GLG1: variants seen among roughly 807,000 people sequenced by gnomAD.
GLG1 encodes Golgi apparatus protein 1.
In GLG1, 38 loss-of-function variants were observed where a neutral mutation model predicts 160.5. That is an observed-to-expected ratio of 0.24 (90% CI 0.18 to 0.31). GLG1 has a LOEUF of 0.31. Among genes scored for constraint, GLG1 ranks in the 10% least tolerant of loss-of-function variants. GLG1 has a pLI of 1.00. For synonymous variants in GLG1, 644 were observed against 543.4 expected (o/e 1.19, Z -2.57); for missense variants, 1,373 against 1,505.2 (o/e 0.91, Z 1.45).
rs2016669879 is a variant in GLG1 at position 74,507,879 on chromosome 16, G to C, written c.558+960C>G. The stretch of plus-strand genomic sequence containing the variant: ...CTTTGCCCTTGATATTTTAAAGTTA[G>C]AGGTTTAGTCCTATAGCTAGCTAAG... On this transcript the variant is annotated intron_variant, in intron 3 of 25. Transcript: ENST00000422840. Among the ~76,000 whole-genome samples the C allele has an allele frequency of 2.0e-5, 3 of 152,302 alleles. No individual in the cohort carries two copies. In the South Asian group the frequency reaches 6.2e-4, roughly 32 times the overall value.
chr16:74,563,666 G>A (rs531368488), intron 1 of GLG1, among the ~76,000 whole-genome samples: 1 of 133,844 alleles, frequency 7.5e-6, no homozygotes, highest in Non-Finnish European at 1.6e-5. Context: ...GGCAGAGGTT[G>A]CAGGGAGCCG....
At chr16:74,570,207 G>A (rs753682194) in intron 1 of GLG1, among the ~76,000 whole-genome samples, 5 of 151,898 alleles carry the variant, frequency 3.3e-5, no homozygotes, top group Non-Finnish European at 5.9e-5. Flanking sequence ...TTTCCTTCTA[G>A]GTGCTTTTGT....
intron 7 of GLG1, among the ~76,000 whole-genome samples, chr16:74,492,161 C>G (rs2016021568): frequency 6.9e-6 from 1 of 144,230 alleles, no homozygotes; most frequent in Admixed American, 6.8e-5. Context: ...CCGAGGCAGG[C>G]AGATCACGAG....
intron 2 of GLG1, among the ~76,000 whole-genome samples, chr16:74,509,665 C>T (rs1008379278): frequency 6.6e-6 from 1 of 151,736 alleles, no homozygotes; most frequent in East Asian, 2.0e-4. Context: ...CTGGCTAACA[C>T]AGTGAAACCC....
intron 1 of GLG1, among the ~76,000 whole-genome samples, chr16:74,559,835 C>G (rs1017713838): frequency 2.0e-5 from 3 of 152,044 alleles, no homozygotes; most frequent in Non-Finnish European, 4.4e-5. Context: ...TGTAACATGC[C>G]TAAAACATAA....
At chr16:74,470,324 CCTTTCCTT>C (rs1019657492) in intron 15 of GLG1, among the ~76,000 whole-genome samples, 18 of 147,228 alleles carry the variant, frequency 1.2e-4, no homozygotes, top group Non-Finnish European at 2.3e-4. Context: ...CTCCTTCCTT[CCTTTCCTT>C]CTTTCCTTCC....
chr16:74,479,640 G>A (rs747263330), intron 11 of GLG1, among the ~76,000 whole-genome samples: 3 of 152,106 alleles, frequency 2.0e-5, no homozygotes, highest in Non-Finnish European at 2.9e-5. Flanking sequence ...TCAACTCTCC[G>A]GAACAAAGGC....
Position 74,607,076 on chromosome 16 carries a change from C to A in GLG1, c.19G>T (p.Val7Leu), listed in dbSNP as rs767306994. The A allele has an allele frequency of 6.4e-7, 1 of 1,556,912 alleles. No individual in the cohort carries two copies. The highest frequency in any genetic ancestry group is 1.9e-5 in the Admixed American group (1 of 52,400). Residue 7 changes from valine to leucine, a missense_variant, in exon 1 of 26, where the codon GTA becomes TTA. Around this residue, in one of 4 missense-constraint regions of GLG1, gnomAD observed 322 missense variants for 254.6 expected, o/e 1.26. Coordinates refer to ENST00000422840, the MANE Select transcript of GLG1 (RefSeq NM_001145667.2). Reference sequence around the variant, plus strand: ...GCCGACAAGCGGAACATCCTCCGTACACGTCCACACGCCGCCATCTTGAGT... The same window carrying A: ...GCCGACAAGCGGAACATCCTCCGTAAACGTCCACACGCCGCCATCTTGAGT... MAACGR[V>L]RRMFRLSAAL...
Position 74,463,348 on chromosome 16 carries a change from G to A in GLG1, c.2791+8C>T. 1 of 1,613,964 alleles carries A rather than the reference G, an allele frequency of 6.2e-7. No homozygotes were observed. The highest frequency in any genetic ancestry group is 8.5e-7 in the Non-Finnish European group (1 of 1,179,888). On this transcript the variant is annotated splice_region_variant and intron_variant, in intron 20 of 25. Coordinates refer to ENST00000422840, the MANE Select transcript of GLG1 (RefSeq NM_001145667.2). ...CACGGGGCCAGGAGAGCCAAGCCAA[G>A]ATCTTACCTGTGTTCTGGGTGATCT...
chr16:74,498,116 T>C lies in GLG1; in HGVS notation c.775-1472A>G, dbSNP rs1036709830. On this transcript the variant is annotated intron_variant, in intron 4 of 25. Coordinates refer to ENST00000422840, the MANE Select transcript of GLG1 (RefSeq NM_001145667.2). ...ACAATTTAAGGTATAACCACTAATA[T>C]AGCAAACCAAAGCATCTTAAAATAT... 3.3e-5 allele frequency among the ~76,000 whole-genome samples: 5 copies of C among 151,786 alleles called. No individual in the cohort carries two copies. The South Asian group carries it at 8.3e-4, about 25-fold the overall frequency.
rs547893275 is a variant in GLG1 at position 74,578,220 on chromosome 16, C to A, written c.438+28437G>T. 1.4e-3 allele frequency among the ~76,000 whole-genome samples: 219 copies of A among 152,072 alleles called. 1 individual carries two copies. In the South Asian group the frequency reaches 0.015, roughly 11 times the overall value. ...TCATGACTGATGAATAAGACTGAAACAAGAAGGAAATGGACGAAAATTGAT... is the reference window on the plus strand; with the variant it reads ...TCATGACTGATGAATAAGACTGAAAAAAGAAGGAAATGGACGAAAATTGAT... On this transcript the variant is annotated intron_variant, in intron 1 of 25. Coordinates refer to ENST00000422840, the MANE Select transcript of GLG1 (RefSeq NM_001145667.2).
chr16:74,595,990 C>T (rs1958292748), intron 1 of GLG1, among the ~76,000 whole-genome samples: 1 of 151,546 alleles, frequency 6.6e-6, no homozygotes, highest in African/African-American at 2.4e-5. Context: ...AGCCATGGTG[C>T]CACATGCCCA....
chr16:74,544,289 G>C (rs2017981864), intron 1 of GLG1, among the ~76,000 whole-genome samples: 1 of 152,132 alleles, frequency 6.6e-6, no homozygotes, highest in Non-Finnish European at 1.5e-5. Context: ...GCAAGATCTT[G>C]GAAAAATTAT....
At chr16:74,483,606 G>C (rs2015682837) in intron 9 of GLG1, among the ~76,000 whole-genome samples, 1 of 151,684 alleles carries the variant, frequency 6.6e-6, no homozygotes, top group African/African-American at 2.4e-5. Flanking sequence ...TATTTTAAAA[G>C]CTTTACTATC....
chr16:74,543,365 G>A (rs936582070), intron 1 of GLG1, among the ~76,000 whole-genome samples: 1 of 152,232 alleles, frequency 6.6e-6, no homozygotes, highest in African/African-American at 2.4e-5. Flanking sequence ...TACTTGGGAG[G>A]CTGAGGTGGA....
chr16:74,542,519 A>G (rs2017901152), intron 1 of GLG1, among the ~76,000 whole-genome samples: 1 of 151,624 alleles, frequency 6.6e-6, no homozygotes, highest in African/African-American at 2.4e-5. Flanking sequence ...AAATACAAAA[A>G]AATTAGCTGG....
At chr16:74,493,232 G>C (rs2016067718) in intron 6 of GLG1, 92 bp from the exon 7 acceptor site, 1 of 756,914 alleles carries the variant, frequency 1.3e-6, no homozygotes, top group Non-Finnish European at 2.2e-6. Flanking sequence ...ACTCAGCCAA[G>C]TACATGTCAA....
chr16:74,604,327 T>C (rs1958513984), intron 1 of GLG1, among the ~76,000 whole-genome samples: 1 of 152,188 alleles, frequency 6.6e-6, no homozygotes, highest in Admixed American at 6.5e-5. Context: ...GTATCACAAG[T>C]ATTTTAGAGA....
At chr16:74,530,136 T>A (rs577770568) in intron 2 of GLG1, among the ~76,000 whole-genome samples, 1 of 152,180 alleles carries the variant, frequency 6.6e-6, no homozygotes, top group Admixed American at 6.6e-5. Flanking sequence ...ACACATCAAC[T>A]TTTTTCTGGG....
Sources: gnomAD v4.1 joint callset for allele counts (sites outside exome capture counted in the v4.1 genomes callset) on GRCh38, gnomAD v4.1.1 for gene constraint, gnomAD v4.1.1 regional missense constraint, MANE v1.5 for transcripts, NCBI Gene and HGNC (gene_info 2026-07-23, HGNC 2026-07-21) for gene names.